The following ANK2 variants were observed in gnomAD, a reference collection of about 807,000 sequenced individuals.
ANK2 encodes the protein ankyrin-2.
A neutral mutation model predicts 360.5 loss-of-function variants in ANK2; 83 were observed. The observed-to-expected ratio is 0.23, with a 90% confidence interval of 0.19 to 0.28. ANK2 has a LOEUF of 0.28. ANK2 is among the 10% of genes least tolerant of loss of function. ANK2 has a pLI of 1.00. For synonymous variants in ANK2, 1,740 were observed against 1,759.5 expected (o/e 0.99, Z 0.28); for missense variants, 4,201 against 4,795.7 (o/e 0.88, Z 3.66).
At chr4:112,843,415 A>G (rs1310886399) in intron 1 of ANK2, among the ~76,000 whole-genome samples, 1 of 152,246 alleles carries the variant, frequency 6.6e-6, no homozygotes, top group South Asian at 2.1e-4. Context: ...AGAGGCTGCG[A>G]GAACAACATT....
chr4:113,297,394 G>A (rs749355727), intron 22 of ANK2, among the ~76,000 whole-genome samples: 17 of 152,048 alleles, frequency 1.1e-4, no homozygotes, highest in Non-Finnish European at 2.5e-4. Flanking sequence ...ATCTAATTGG[G>A]TATTACTTTC....
chr4:113,290,653 AACAG>A (rs374794831), intron 20 of ANK2, among the ~76,000 whole-genome samples: 444 of 152,272 alleles, frequency 2.9e-3, no homozygotes, highest in African/African-American at 7.2e-3. Context: ...CAAACAAACA[AACAG>A]AATGAAAACA....
chr4:113,103,501 T>C (rs2093217371), intron 1 of ANK2, among the ~76,000 whole-genome samples: 1 of 152,164 alleles, frequency 6.6e-6, no homozygotes, highest in African/African-American at 2.4e-5. Context: ...TCAGTGATGT[T>C]TTAATGGCAA....
intron 2 of ANK2, among the ~76,000 whole-genome samples, chr4:113,182,347 T>C (rs774138588): frequency 2.6e-5 from 4 of 152,226 alleles, no homozygotes; most frequent in Non-Finnish European, 5.9e-5. Context: ...GTTGGATATA[T>C]GAATTTTCTA....
chr4:112,939,881 A>T (rs1388111511), intron 2 of ANK2, among the ~76,000 whole-genome samples: 4 of 152,218 alleles, frequency 2.6e-5, no homozygotes, highest in Admixed American at 6.5e-5. Flanking sequence ...ACAAAATTTG[A>T]TGTAAAACTT....
In ANK2 at chr4:113,369,636, C is replaced by A. The variant is rs2154066398; in HGVS notation, c.11441C>A (p.Thr3814Asn). 2 of 1,614,134 alleles carry A rather than the reference C, an allele frequency of 1.2e-6. No homozygotes were observed. The highest frequency in any genetic ancestry group is 1.7e-6 in the Non-Finnish European group (2 of 1,180,016). The change falls in exon 43 of 46, where the codon ACC becomes AAC. Residue 3814 changes from threonine to asparagine, a missense_variant. By Grantham distance (65) the Thr-to-Asn change is moderately conservative. Transcript: ENST00000357077. ...GAGGAGGAGAAGCTGTACCTCCAGACCCCAACATCCAGCGAGCGGGGAGGC... is the reference window on the plus strand; with the variant it reads ...GAGGAGGAGAAGCTGTACCTCCAGAACCCAACATCCAGCGAGCGGGGAGGC... ...PAEEEKLYLQ[T>N]PTSSERGGSP... is the part of the protein sequence containing the mutation.
chr4:112,870,811 T>G (rs2072711585), intron 1 of ANK2, among the ~76,000 whole-genome samples: 1 of 152,224 alleles, frequency 6.6e-6, no homozygotes, highest in African/African-American at 2.4e-5. Context: ...AAGGATCAGC[T>G]TGTCCATTTC....
At chr4:112,901,864 CAA>C (rs199731018) in intron 1 of ANK2, among the ~76,000 whole-genome samples, 32 of 82,486 alleles carry the variant, frequency 3.9e-4, no homozygotes, top group Admixed American at 6.7e-4. Context: ...GACTCTGTCT[CAA>C]AAAAAAAAAA....
In ANK2 at chr4:113,369,415, T is replaced by G. The variant is rs1228666356; in HGVS notation, c.11319-99T>G. On this transcript the variant is annotated intron_variant, in intron 42 of 45. Coordinates refer to ENST00000357077, the MANE Select transcript of ANK2 (RefSeq NM_001148.6). Reference sequence around the variant, plus strand: ...AAAAACTATTTTGACTGTCATAGACTATGGAAAAACCAGCTCCATCTTGCC... The same window carrying G: ...AAAAACTATTTTGACTGTCATAGACGATGGAAAAACCAGCTCCATCTTGCC... The G allele has an allele frequency of 4.7e-6, 6 of 1,272,932 alleles. No homozygotes were observed. In the African/African-American group the frequency reaches 8.8e-5, roughly 19 times the overall value. 78.9% of individuals were successfully genotyped at this position (1,272,932 alleles called of 1,614,324 possible).
the ANK2 span, among the ~76,000 whole-genome samples, chr4:112,769,812 TC>T: frequency 6.6e-6 from 1 of 152,120 alleles, no homozygotes; most frequent in Non-Finnish European, 1.5e-5. Flanking sequence ...AGGAGGAATT[TC>T]TTCCTTTTTG....
the ANK2 span, among the ~76,000 whole-genome samples, chr4:112,750,732 T>A: frequency 6.6e-6 from 1 of 151,972 alleles, no homozygotes; most frequent in Admixed American, 6.6e-5. Flanking sequence ...CTTTCCTTTT[T>A]TCTTTTTTTT....
intron 1 of ANK2, among the ~76,000 whole-genome samples, chr4:113,126,167 A>G (rs572903131): frequency 1.8e-4 from 28 of 152,206 alleles, no homozygotes; most frequent in Non-Finnish European, 3.1e-4. Context: ...CTGTACACTG[A>G]TAATACCAGG....
chr4:112,778,398 C>G, the ANK2 span, among the ~76,000 whole-genome samples: 3 of 152,048 alleles, frequency 2.0e-5, no homozygotes, highest in African/African-American at 7.2e-5. Flanking sequence ...TCTTGAACCC[C>G]CAACCTCAAG....
Position 113,278,538 on chromosome 4 carries a change from T to TC in ANK2, c.1865dup (p.His623SerfsTer62). 6.2e-7 allele frequency: 1 copy of TC among 1,613,868 alleles called. No individual in the cohort carries two copies. Among genetic ancestry groups the TC allele is most frequent in the Non-Finnish European group, 8.5e-7 (1 of 1,179,892 alleles). On this transcript the variant is annotated frameshift_variant, in exon 17 of 46. Transcript: ENST00000357077. LOFTEE classifies it high-confidence loss of function. ...GCTGCTGTTACTGGAGAAGGGTGCT[T>TC]CCCCTCATGCCACTGCCAAGGTGAG...
chr4:113,031,708 G>A (rs1434991880), intron 2 of ANK2, among the ~76,000 whole-genome samples: 1 of 151,908 alleles, frequency 6.6e-6, no homozygotes, highest in African/African-American at 2.4e-5. Flanking sequence ...GGTTCAGCAG[G>A]AGGTAGCTAG....
At chr4:113,318,661 AAGAGATGGG>A (rs1563720064) in intron 26 of ANK2, 41 bp downstream of exon 26, 1 of 1,513,326 alleles carries the variant, frequency 6.6e-7, no homozygotes, top group Admixed American at 1.8e-5. Context: ...AAGAGGTAAA[AAGAGATGGG>A]AGTGAAAACA....
chr4:113,183,202 G>A (rs1409779902), intron 2 of ANK2, among the ~76,000 whole-genome samples: 1 of 152,088 alleles, frequency 6.6e-6, no homozygotes, highest in Non-Finnish European at 1.5e-5. Context: ...GTTATCAGCT[G>A]AGAGTAAAGA....
At chr4:113,148,081 A>G (rs6812102) in intron 1 of ANK2, among the ~76,000 whole-genome samples, 105,541 of 152,026 alleles carry the variant, frequency 0.69, 37,364 homozygotes, top group African/African-American at 0.83. Flanking sequence ...GCTCTGACAC[A>G]AGTCAGCAAG....
chr4:113,288,340 G>GA (rs764486484), intron 19 of ANK2, 48 bp from the exon 20 acceptor site: 4 of 1,484,160 alleles, frequency 2.7e-6, no homozygotes, highest in Non-Finnish European at 3.7e-6. Flanking sequence ...CACTAGAGTA[G>GA]TAAAGTTTCT....
Sources: allele counts gnomAD v4.1 joint callset (sites outside exome capture counted in the v4.1 genomes callset), GRCh38; gene constraint gnomAD v4.1.1; transcripts MANE v1.5; gene names NCBI Gene and HGNC (gene_info 2026-07-23, HGNC 2026-07-21).